Variants in CSNK1A1 observed in about 807,000 individuals in gnomAD.
CSNK1A1 encodes the protein casein kinase 1 alpha 1, also known as casein kinase I isoform alpha.
In CSNK1A1, 7 loss-of-function variants were observed where a neutral mutation model predicts 46.1. The ratio of observed to expected loss-of-function variants is 0.15; its 90% confidence interval spans 0.09 to 0.29. CSNK1A1 has a LOEUF of 0.29. Among genes scored for constraint, CSNK1A1 ranks in the 10% least tolerant of loss-of-function variants. The probability of loss-of-function intolerance (pLI) is 1.00; values close to 1 mark genes in which losing one functional copy is unlikely to be tolerated. For synonymous variants in CSNK1A1, 137 were observed against 141.5 expected, an observed-to-expected ratio of 0.97 and a Z score of 0.23; for missense variants, 96 against 417.1, an observed-to-expected ratio of 0.23 and a Z score of 6.71.
intron 3 of CSNK1A1, among the ~76,000 whole-genome samples, chr5:149,523,884 T>G (rs1457048915): frequency 1.3e-5 from 2 of 152,196 alleles, no homozygotes; most frequent in East Asian, 3.8e-4. Flanking sequence ...ATAATTTCCC[T>G]ACTATACTAT....
intron 8 of CSNK1A1, among the ~76,000 whole-genome samples, 152 bp from the exon 9 acceptor site, chr5:149,505,747 A>C (rs1258537761): frequency 2.0e-5 from 3 of 152,218 alleles, no homozygotes; most frequent in Non-Finnish European, 2.9e-5. Flanking sequence ...TTATAGATGA[A>C]AAAGGCAGCA....
At chr5:149,549,293 G>T in intron 2 of CSNK1A1, 1 of 570,836 alleles carries the variant, frequency 1.8e-6, no homozygotes, top group Non-Finnish European at 3.2e-6. Flanking sequence ...ATTTAGTCCC[G>T]ACTGAAACGT....
intron 9 of CSNK1A1, chr5:149,505,167 A>G (rs1760983042): frequency 9.3e-7 from 1 of 1,080,530 alleles, no homozygotes; most frequent in South Asian, 4.2e-5. Flanking sequence ...TGAGTAAAAA[A>G]GATGCAGTTG....
intron 5 of CSNK1A1, 55 bp from the exon 6 acceptor site, chr5:149,511,927 T>G: frequency 7.3e-7 from 1 of 1,365,088 alleles, no homozygotes; most frequent in Non-Finnish European, 1.0e-6. Flanking sequence ...AAAAAACATA[T>G]GAAAGAAAGT....
rs905621540 is a variant in CSNK1A1, at chr5:149,531,728, G to A, written c.231-6557C>T. Among the ~76,000 whole-genome samples the A allele has an allele frequency of 1.0e-4, 15 of 149,586 alleles. No individual in the cohort carries two copies. In the East Asian group the frequency reaches 2.4e-3, roughly 24 times the overall value. On this transcript the variant is annotated intron_variant, in intron 2 of 9. Coordinates refer to ENST00000377843, the MANE Select transcript of CSNK1A1 (RefSeq NM_001892.6). The stretch of plus-strand genomic sequence containing the variant: ...AAAAACAAAAAACAAAAAATTAGCC[G>A]CACATGGTGGTGGGGACCTGTAATC...
At position 149,496,754 on chromosome 5, in the gene CSNK1A1, C is replaced by CACTG; in HGVS notation, c.*95_*98dup. 1 of 1,482,786 alleles carries CACTG rather than the reference C, an allele frequency of 6.7e-7. No individual in the cohort carries two copies. Among genetic ancestry groups the CACTG allele is most frequent in the Non-Finnish European group, 9.0e-7 (1 of 1,111,734 alleles). 91.9% of individuals were successfully genotyped at this position (1,482,786 alleles called of 1,614,324 possible). The stretch of plus-strand genomic sequence containing the variant: ...CACCAAGTAAATGGTTGTCCACAAC[C>CACTG]ACTGGCTAGTGTACATATGAACTAA... On this transcript the variant is annotated 3_prime_UTR_variant, in exon 10 of 10. Transcript: ENST00000377843.
chr5:149,535,495 T>A (rs964666674), intron 2 of CSNK1A1, among the ~76,000 whole-genome samples: 4 of 152,130 alleles, frequency 2.6e-5, no homozygotes, highest in African/African-American at 9.7e-5. Context: ...CTCAAATTCT[T>A]AAGGCTCAAG....
intron 2 of CSNK1A1, among the ~76,000 whole-genome samples, chr5:149,544,653 T>G (rs1387277547): frequency 6.7e-6 from 1 of 148,918 alleles, no homozygotes; most frequent in Non-Finnish European, 1.5e-5. Flanking sequence ...GTACACAGGT[T>G]TTTTTCTGCC....
chr5:149,516,191 A>G (rs1222683973), intron 4 of CSNK1A1, among the ~76,000 whole-genome samples: 1 of 152,104 alleles, frequency 6.6e-6, no homozygotes, highest in Non-Finnish European at 1.5e-5. Context: ...ATGGTGGCGC[A>G]TACCTGTAAT....
chr5:149,498,786 AACC>A, intron 9 of CSNK1A1: 1 of 985,434 alleles, frequency 1.0e-6, no homozygotes, highest in African/African-American at 1.7e-5. Context: ...TCAAAGGGAA[AACC>A]ACCATCACTA....
chr5:149,508,574 T>C (rs781585552), intron 7 of CSNK1A1, among the ~76,000 whole-genome samples: 2 of 152,228 alleles, frequency 1.3e-5, no homozygotes, highest in African/African-American at 4.8e-5. Context: ...CTAAACTCAA[T>C]TGCCTTTCTA....
chr5:149,545,708 C>T (rs949619347), intron 2 of CSNK1A1: 6 of 705,630 alleles, frequency 8.5e-6, no homozygotes, highest in Non-Finnish European at 1.5e-5. Flanking sequence ...TGCTTCTTGG[C>T]AAAGTGCATG....
chr5:149,499,258 A>G, intron 9 of CSNK1A1: 1 of 982,172 alleles, frequency 1.0e-6, no homozygotes, highest in Non-Finnish European at 1.2e-6. Flanking sequence ...TCTTCACTGT[A>G]ACATCAGTTA....
In CSNK1A1 at chr5:149,551,052, C is replaced by A; in HGVS notation, c.-88G>T. Reference sequence around the variant, plus strand: ...CTCGGGGCTCCTACACTAGGCAAGGCTACGGAGGAGGGCGGCAGGAAACGG... The same window carrying A: ...CTCGGGGCTCCTACACTAGGCAAGGATACGGAGGAGGGCGGCAGGAAACGG... On this transcript the variant is annotated 5_prime_UTR_variant, in exon 1 of 10. Coordinates refer to ENST00000377843, the MANE Select transcript of CSNK1A1 (RefSeq NM_001892.6). 6.8e-7 allele frequency: 1 copy of A among 1,479,038 alleles called. No individual in the cohort carries two copies. Among genetic ancestry groups the A allele is most frequent in the Non-Finnish European group, 9.3e-7 (1 of 1,081,012 alleles). The allele number at this position is 1,479,038 out of a possible 1,614,324, so 91.6% of individuals were successfully genotyped here. A position where few individuals can be genotyped will look rare whatever the true frequency, so the allele number is the denominator to read the frequency against.
intron 2 of CSNK1A1, among the ~76,000 whole-genome samples, chr5:149,541,226 C>A (rs1762219721): frequency 6.7e-6 from 1 of 149,910 alleles, no homozygotes. Context: ...GATCTCAGCT[C>A]ACTGCAACCT....
intron 6 of CSNK1A1, 97 bp from the exon 7 acceptor site, chr5:149,510,050 A>G (rs1761167495): frequency 4.0e-6 from 3 of 744,388 alleles, no homozygotes; most frequent in African/African-American, 1.8e-5. Context: ...TACCTGTGAG[A>G]TTCAAGAGAA....
chr5:149,538,165 G>A (rs1195941341), intron 2 of CSNK1A1, among the ~76,000 whole-genome samples: 3 of 152,030 alleles, frequency 2.0e-5, no homozygotes, highest in East Asian at 1.9e-4. Flanking sequence ...TGGGATTACA[G>A]GCATGTGCCA....
chr5:149,545,358 T>C, intron 2 of CSNK1A1: 1 of 420,774 alleles, frequency 2.4e-6, no homozygotes, highest in Non-Finnish European at 4.3e-6. Flanking sequence ...AGTCCTTCTG[T>C]CCTCACGTTG....
intron 9 of CSNK1A1, chr5:149,503,185 G>A (rs771330168): frequency 3.0e-6 from 3 of 985,404 alleles, no homozygotes; most frequent in Non-Finnish European, 2.4e-6. Context: ...TCAAACTCCA[G>A]AATTCCTAGG....
Sources: gnomAD v4.1 joint callset for allele counts (sites outside exome capture counted in the v4.1 genomes callset) on GRCh38, gnomAD v4.1.1 for gene constraint, MANE v1.5 for transcripts, NCBI Gene and HGNC (gene_info 2026-07-23, HGNC 2026-07-21) for gene names.